The following CALN1 variants were observed in gnomAD, a reference collection of about 807,000 sequenced individuals.
CALN1 encodes the protein calcium-binding protein 8.
In CALN1, 17 loss-of-function variants were observed where a neutral mutation model predicts 30.6. The ratio of observed to expected loss-of-function variants is 0.56; its 90% CI spans 0.38 to 0.83. The LOEUF (loss-of-function observed/expected upper bound fraction) is 0.83, where lower values mean the gene tolerates loss of function less well. Among genes scored for constraint, CALN1 ranks in the 40% least tolerant of loss-of-function variants. The pLI, the probability that CALN1 is intolerant of heterozygous loss-of-function variation, is 0.00. For synonymous variants in CALN1, 156 were observed against 131.4 expected, an observed-to-expected ratio of 1.19 and a Z score of -1.28; for missense variants, 291 against 354.9, an observed-to-expected ratio of 0.82 and a Z score of 1.45.
chr7:71,898,672 C>T (rs1053244411), intron 5 of CALN1, among the ~76,000 whole-genome samples: 3 of 152,054 alleles, frequency 2.0e-5, no homozygotes, highest in Non-Finnish European at 4.4e-5. Context: ...CAACTGGACA[C>T]GTCATAGTAA....
At chr7:72,222,983 T>C (rs957915086) in intron 3 of CALN1, among the ~76,000 whole-genome samples, 1 of 151,896 alleles carries the variant, frequency 6.6e-6, no homozygotes, top group African/African-American at 2.4e-5. Flanking sequence ...ATTGCACCAC[T>C]GCAATCCAGT....
intron 2 of CALN1, among the ~76,000 whole-genome samples, chr7:72,285,997 C>T (rs1798056179): frequency 6.6e-6 from 1 of 152,110 alleles, no homozygotes; most frequent in African/African-American, 2.4e-5. Context: ...CGAAAGCACA[C>T]CAAAATAATG....
At chr7:71,908,481 C>T (rs1245270611) in intron 5 of CALN1, among the ~76,000 whole-genome samples, 1 of 152,066 alleles carries the variant, frequency 6.6e-6, no homozygotes, top group Non-Finnish European at 1.5e-5. Flanking sequence ...AAGATCAAAC[C>T]TAAAGGTGAC....
chr7:72,006,795 T>G (rs755757860), intron 5 of CALN1, among the ~76,000 whole-genome samples: 3 of 152,182 alleles, frequency 2.0e-5, no homozygotes, highest in Non-Finnish European at 4.4e-5. Context: ...ATAAAGCTCA[T>G]GTCTGTTCCT....
chr7:72,181,875 T>C (rs1360651652), intron 3 of CALN1, among the ~76,000 whole-genome samples: 1 of 152,214 alleles, frequency 6.6e-6, no homozygotes, highest in African/African-American at 2.4e-5. Context: ...AACATATCTC[T>C]ATCACGAGCA....
chr7:71,936,508 C>T (rs569380187), intron 5 of CALN1, among the ~76,000 whole-genome samples: 2 of 152,178 alleles, frequency 1.3e-5, no homozygotes, highest in South Asian at 4.2e-4. Flanking sequence ...CTTCTAGGCC[C>T]CTGGGAAATT....
chr7:71,810,310 G>A (rs763725202), intron 6 of CALN1, 26 bp downstream of exon 6: 9 of 1,610,772 alleles, frequency 5.6e-6, no homozygotes, highest in African/African-American at 2.7e-5. Flanking sequence ...CCGGACCGGG[G>A]AGGGGATGGC....
intron 4 of CALN1, among the ~76,000 whole-genome samples, chr7:72,092,844 G>T (rs1352574645): frequency 6.6e-6 from 1 of 151,886 alleles, no homozygotes; most frequent in African/African-American, 2.4e-5. Flanking sequence ...TGATTCCCCG[G>T]GTCTCTTTCC....
At chr7:72,036,513 C>G (rs1346738760) in intron 4 of CALN1, among the ~76,000 whole-genome samples, 1 of 152,146 alleles carries the variant, frequency 6.6e-6, no homozygotes, top group Non-Finnish European at 1.5e-5. Context: ...AGGTTTTGTT[C>G]ACGTTCCTTC....
chr7:72,391,918 T>C (rs549140621), intron 2 of CALN1, among the ~76,000 whole-genome samples: 1 of 152,246 alleles, frequency 6.6e-6, no homozygotes, highest in Admixed American at 6.5e-5. Flanking sequence ...TCAGCCTCCT[T>C]CTGTTGAGAT....
At chr7:72,077,512 G>A (rs1804831246) in intron 4 of CALN1, among the ~76,000 whole-genome samples, 1 of 152,154 alleles carries the variant, frequency 6.6e-6, no homozygotes, top group Admixed American at 6.5e-5. Flanking sequence ...GACCTCAAGT[G>A]ATCTGCCCGC....
At position 72,308,366 on chromosome 7, in the gene CALN1, G is replaced by T. The variant is rs1453976873; in HGVS notation, c.120-29556C>A. Among the ~76,000 whole-genome samples the T allele has an allele frequency of 6.3e-5, 6 of 95,306 alleles. 1 individual carries two copies. The South Asian group carries it at 1.3e-3, about 20-fold the overall frequency. The allele number at this position is 95,306 out of a possible 152,430, so 62.5% of individuals were successfully genotyped here. ...GCCACAGAGTGAGATGCTGTCTGTG[G>T]GGGGGGGAGAGAGAGAGAGAGAGAG... On this transcript the variant is annotated intron_variant, in intron 2 of 6. Transcript: ENST00000395275.
intron 3 of CALN1, among the ~76,000 whole-genome samples, chr7:72,135,778 G>A (rs1180698384): frequency 6.6e-6 from 1 of 152,142 alleles, no homozygotes; most frequent in Non-Finnish European, 1.5e-5. Flanking sequence ...AAGTTTTGAA[G>A]CCAGGCATTG....
chr7:71,993,755 C>G (rs1475288945), intron 5 of CALN1, among the ~76,000 whole-genome samples: 1 of 152,070 alleles, frequency 6.6e-6, no homozygotes, highest in African/African-American at 2.4e-5. Flanking sequence ...CTGTGCCCAG[C>G]CTGAGGATAT....
At chr7:71,863,925 T>C (rs1483605888) in intron 5 of CALN1, among the ~76,000 whole-genome samples, 1 of 152,214 alleles carries the variant, frequency 6.6e-6, no homozygotes, top group East Asian at 1.9e-4. Flanking sequence ...CTGTATCGAA[T>C]AGGAATCTAA....
intron 1 of CALN1, among the ~76,000 whole-genome samples, chr7:72,425,800 C>A (rs944789074): frequency 6.6e-6 from 1 of 152,198 alleles, no homozygotes; most frequent in Admixed American, 6.5e-5. Context: ...CTTAAGATTG[C>A]AGATTTGAAT....
At chr7:71,918,570 T>A (rs1368072409) in intron 5 of CALN1, among the ~76,000 whole-genome samples, 1 of 152,176 alleles carries the variant, frequency 6.6e-6, no homozygotes, top group South Asian at 2.1e-4. Context: ...AGCACAAGAA[T>A]GAGAAAATCT....
chr7:72,009,121 A>T (rs187452542), intron 5 of CALN1, among the ~76,000 whole-genome samples: 14 of 152,320 alleles, frequency 9.2e-5, no homozygotes, highest in African/African-American at 3.4e-4. Flanking sequence ...GAACAAAACA[A>T]AAAAGCAGTT....
chr7:72,455,531 C>A, the CALN1 span, among the ~76,000 whole-genome samples: 1 of 151,932 alleles, frequency 6.6e-6, no homozygotes, highest in Admixed American at 6.6e-5. Context: ...AGCTCAGGAG[C>A]TCGCAGGAAA....
Sources: allele counts gnomAD v4.1 joint callset (sites outside exome capture counted in the v4.1 genomes callset), GRCh38; gene constraint gnomAD v4.1.1; transcripts MANE v1.5; gene names NCBI Gene and HGNC (gene_info 2026-07-23, HGNC 2026-07-21).